The following FAR2 variants were observed in gnomAD, a reference collection of about 807,000 sequenced individuals.
FAR2 encodes epididymis secretory protein Li 81.
FAR2 carries 19 observed loss-of-function variants against 56.0 expected under a neutral mutation model. The observed-to-expected ratio is 0.34, with a 90% confidence interval of 0.24 to 0.50. The LOEUF (loss-of-function observed/expected upper bound fraction) is 0.50, where lower values mean the gene tolerates loss of function less well. Among genes scored for constraint, FAR2 ranks in the 20% least tolerant of loss-of-function variants. The pLI is 0.98. For missense variants in FAR2, 508 were observed against 642.2 expected, an observed-to-expected ratio of 0.79 and a Z score of 2.26; for synonymous variants, 219 against 218.8, an observed-to-expected ratio of 1.00 and a Z score of -0.01.
intron 4 of FAR2, among the ~76,000 whole-genome samples, chr12:29,300,915 C>A (rs747279884): frequency 6.6e-6 from 1 of 152,102 alleles, no homozygotes; most frequent in Non-Finnish European, 1.5e-5. Context: ...TTCCTGTTTG[C>A]TTGGGCAGCA....
At chr12:29,156,858 G>C (rs10843335) in intron 1 of FAR2, 1 of 151,744 alleles carries the variant, frequency 6.6e-6, no homozygotes, top group Non-Finnish European at 1.5e-5. Context: ...TCCATGGAAC[G>C]TAGAGTCAGA....
chr12:29,218,881 T>TTTCA (rs1947653526), intron 1 of FAR2, among the ~76,000 whole-genome samples: 1 of 151,130 alleles, frequency 6.6e-6, no homozygotes, highest in African/African-American at 2.4e-5. Context: ...CGTGTTAGAA[T>TTTCA]TTTATTTATT....
intron 1 of FAR2, among the ~76,000 whole-genome samples, chr12:29,150,684 G>C (rs970148707): frequency 1.3e-5 from 2 of 152,240 alleles, no homozygotes; most frequent in African/African-American, 4.8e-5. Context: ...ACTTCTAGGA[G>C]ATGGGCATGA....
chr12:29,230,661 T>G (rs903148073), intron 1 of FAR2, among the ~76,000 whole-genome samples: 2 of 151,958 alleles, frequency 1.3e-5, no homozygotes, highest in Admixed American at 6.6e-5. Flanking sequence ...GATGGTGAGA[T>G]GTGATCAGAG....
chr12:29,159,877 G>T (rs1949766291), intron 1 of FAR2, among the ~76,000 whole-genome samples: 1 of 152,208 alleles, frequency 6.6e-6, no homozygotes. Context: ...GAAGTTTCCA[G>T]AATGATACCG....
intron 6 of FAR2, chr12:29,310,032 GA>G (rs1388066844): frequency 6.6e-6 from 1 of 152,174 alleles, no homozygotes; most frequent in Non-Finnish European, 1.5e-5. Flanking sequence ...ACAGATATGA[GA>G]CAGTGAATTA....
chr12:29,303,515 G>A (rs1949209095), intron 4 of FAR2, among the ~76,000 whole-genome samples: 1 of 152,130 alleles, frequency 6.6e-6, no homozygotes, highest in Non-Finnish European at 1.5e-5. Context: ...ACACAGCTAA[G>A]CTGCCATGTG....
At chr12:29,187,869 C>T (rs1224631382) in intron 1 of FAR2, among the ~76,000 whole-genome samples, 1 of 152,158 alleles carries the variant, frequency 6.6e-6, no homozygotes, top group Non-Finnish European at 1.5e-5. Flanking sequence ...GCAGCAGTAG[C>T]CAATATGTAA....
chr12:29,294,890 A>G (rs1288795552), intron 3 of FAR2, among the ~76,000 whole-genome samples: 6 of 152,030 alleles, frequency 3.9e-5, no homozygotes, highest in African/African-American at 1.4e-4. Context: ...TTTCTGCCAC[A>G]TGGTTAGTTT....
chr12:29,294,453 T>C (rs1949022901), intron 3 of FAR2, among the ~76,000 whole-genome samples: 1 of 152,150 alleles, frequency 6.6e-6, no homozygotes, highest in Non-Finnish European at 1.5e-5. Context: ...GTTCAAGCGA[T>C]TCTCCTGCCT....
At chr12:29,299,213 C>CAGAA (rs1565512259) in intron 4 of FAR2, among the ~76,000 whole-genome samples, 5 of 103,568 alleles carry the variant, frequency 4.8e-5, no homozygotes, top group South Asian at 3.1e-4. Flanking sequence ...AACTTTGTCT[C>CAGAA]AAAAAAAAAA....
chr12:29,274,877 G>A (rs1246449045), intron 2 of FAR2, among the ~76,000 whole-genome samples: 3 of 149,260 alleles, frequency 2.0e-5, no homozygotes, highest in African/African-American at 4.9e-5. Flanking sequence ...GACTCAGCCC[G>A]CCTGCACCCA....
chr12:29,193,018 C>T (rs1422857653), intron 1 of FAR2, among the ~76,000 whole-genome samples: 1 of 152,144 alleles, frequency 6.6e-6, no homozygotes, highest in African/African-American at 2.4e-5. Flanking sequence ...TAGCTAGCAA[C>T]TTTTCTACCC....
chr12:29,285,933 C>G (rs1948867901), intron 2 of FAR2, among the ~76,000 whole-genome samples: 1 of 151,884 alleles, frequency 6.6e-6, no homozygotes, highest in African/African-American at 2.4e-5. Flanking sequence ...TTCAAATTGC[C>G]CATACTAATT....
At chr12:29,235,443 T>C (rs1947925647) in intron 1 of FAR2, among the ~76,000 whole-genome samples, 1 of 152,170 alleles carries the variant, frequency 6.6e-6, no homozygotes, top group African/African-American at 2.4e-5. Flanking sequence ...TTGGTATTTC[T>C]CCACAATTTC....
chr12:29,177,856 TACA>T (rs139469411), intron 1 of FAR2, among the ~76,000 whole-genome samples: 5,849 of 151,768 alleles, frequency 0.039, 325 homozygotes, highest in African/African-American at 0.13. Flanking sequence ...ACAAAAAACA[TACA>T]ACAACAACAA....
At position 29,309,311 on chromosome 12, in the gene FAR2, A is replaced by G. The variant is rs1055273312; in HGVS notation, c.768+81A>G. ...AAATTCTTAGTGCTGGCTTAGCTTCATTGATCCAAAAACATAAATGTTACT... is the reference window on the plus strand; with the variant it reads ...AAATTCTTAGTGCTGGCTTAGCTTCGTTGATCCAAAAACATAAATGTTACT... On this transcript the variant is annotated intron_variant, in intron 6 of 11. Transcript: ENST00000536681. 1.1e-5 allele frequency: 11 copies of G among 998,072 alleles called. No individual in the cohort carries two copies. The African/African-American group carries it at 1.8e-4, about 16-fold the overall frequency. 61.8% of individuals were successfully genotyped at this position (998,072 alleles called of 1,614,324 possible).
intron 1 of FAR2, among the ~76,000 whole-genome samples, chr12:29,178,573 C>T (rs527545686): frequency 1.3e-5 from 2 of 152,280 alleles, no homozygotes; most frequent in East Asian, 3.9e-4. Context: ...CACAATAGTG[C>T]CACTGTACTC....
chr12:29,235,608 G>A (rs2136657296), intron 1 of FAR2, among the ~76,000 whole-genome samples: 1 of 152,224 alleles, frequency 6.6e-6, no homozygotes, highest in Non-Finnish European at 1.5e-5. Context: ...TTTCTCCTGT[G>A]GTAAACCTAT....
Sources: allele counts gnomAD v4.1 joint callset (sites outside exome capture counted in the v4.1 genomes callset), GRCh38; gene constraint gnomAD v4.1.1; transcripts MANE v1.5; gene names NCBI Gene and HGNC (gene_info 2026-07-23, HGNC 2026-07-21).